PTPRN2: variants seen among roughly 807,000 people sequenced by gnomAD.
The protein encoded by PTPRN2 is protein tyrosine phosphatase receptor type N2, also known as receptor-type tyrosine-protein phosphatase N2.
Under a neutral mutation model 118.8 loss-of-function variants are expected in PTPRN2, and 74 were observed. That is an observed-to-expected ratio of 0.62 (90% CI 0.52 to 0.76). The LOEUF is 0.76. Among genes scored for constraint, PTPRN2 ranks in the 30% least tolerant of loss-of-function variants. PTPRN2 has a pLI of 0.00. For synonymous variants in PTPRN2, 641 were observed against 608.0 expected (o/e 1.05, Z -0.80); for missense variants, 1,481 against 1,394.4 (o/e 1.06, Z -0.99).
chr7:158,055,781 G>A lies in PTPRN2; in HGVS notation c.1723+25517C>T, dbSNP rs554095210. On this transcript the variant is annotated intron_variant, in intron 11 of 22. Transcript: ENST00000389418. ...ACTCCTTACCCTGCCCCTTTGTTTT[G>A]TATCCAATAAATATCAGCGCAGCCT... Among the ~76,000 whole-genome samples, 9 of 152,238 alleles carry A rather than the reference G, an allele frequency of 5.9e-5. 1 individual carries two copies. The East Asian group carries it at 7.7e-4, about 13-fold the overall frequency.
At chr7:157,854,013 G>A (rs560571237) in intron 12 of PTPRN2, among the ~76,000 whole-genome samples, 4 of 152,266 alleles carry the variant, frequency 2.6e-5, no homozygotes, top group East Asian at 1.9e-4. Flanking sequence ...CTTCTCCGAG[G>A]GCCTCAGAAG....
intron 1 of PTPRN2, among the ~76,000 whole-genome samples, chr7:158,558,230 C>A (rs1827172542): frequency 6.6e-6 from 1 of 152,210 alleles, no homozygotes. Flanking sequence ...AAGCAATCCT[C>A]CCACCTCAGC....
At chr7:157,822,261 C>G (rs1003130822) in intron 12 of PTPRN2, among the ~76,000 whole-genome samples, 8 of 151,802 alleles carry the variant, frequency 5.3e-5, no homozygotes, top group African/African-American at 1.9e-4. Context: ...CACCCACTAT[C>G]CATCATCCAT....
rs1796924468 is a variant in PTPRN2 at position 157,893,425 on chromosome 7, G to A, written c.1788+5248C>T. Among the ~76,000 whole-genome samples the A allele has an allele frequency of 6.6e-6, 1 of 152,240 alleles. No homozygotes were observed. The highest frequency in any genetic ancestry group is 2.4e-5 in the African/African-American group (1 of 41,468). Reference sequence around the variant, plus strand: ...TCCTTCCCACATATGAGATGGGTGGGCATCAGGAGTGGGCAGAGGCCAATT... The same window carrying A: ...TCCTTCCCACATATGAGATGGGTGGACATCAGGAGTGGGCAGAGGCCAATT... On this transcript the variant is annotated intron_variant, in intron 12 of 22. Transcript: ENST00000389418. This position sits in a 1 kb window ranked among gnomAD's most constrained non-coding sequence, Gnocchi z 4.0.
intron 1 of PTPRN2, among the ~76,000 whole-genome samples, chr7:158,520,271 G>A (rs979729894): frequency 2.6e-5 from 4 of 152,174 alleles, no homozygotes; most frequent in Non-Finnish European, 4.4e-5. Flanking sequence ...GTCTCACACC[G>A]TCCCTTCTAG....
chr7:158,540,838 G>C (rs1216307831), intron 1 of PTPRN2, among the ~76,000 whole-genome samples: 1 of 152,232 alleles, frequency 6.6e-6, no homozygotes, highest in Non-Finnish European at 1.5e-5. Context: ...ACTTCGGTTT[G>C]GCTTTCTCCA....
chr7:158,100,101 G>C (rs1348719057), intron 10 of PTPRN2, among the ~76,000 whole-genome samples: 3 of 151,828 alleles, frequency 2.0e-5, no homozygotes, highest in African/African-American at 7.3e-5. Context: ...TCATAGCTCA[G>C]CTCCCACTTA....
chr7:157,691,964 C>T (rs978973911), intron 12 of PTPRN2, among the ~76,000 whole-genome samples: 8 of 152,084 alleles, frequency 5.3e-5, no homozygotes. Flanking sequence ...GCGGAGCTGG[C>T]GAGAGCCGGA....
At chr7:158,193,948 T>A (rs1409411583) in intron 4 of PTPRN2, among the ~76,000 whole-genome samples, 1 of 146,878 alleles carries the variant, frequency 6.8e-6, no homozygotes, top group Non-Finnish European at 1.5e-5. Context: ...GAGGCCGGCA[T>A]GGGGGCTCGC....
intron 2 of PTPRN2, among the ~76,000 whole-genome samples, chr7:158,368,029 G>A (rs1809666773): frequency 6.6e-6 from 1 of 152,174 alleles, no homozygotes; most frequent in Admixed American, 6.6e-5. Context: ...AAATTGAGCT[G>A]AGGAAAGAAC....
intron 12 of PTPRN2, among the ~76,000 whole-genome samples, chr7:157,720,170 C>T (rs12667864): frequency 0.32 from 49,089 of 152,112 alleles, 8,008 homozygotes; most frequent in South Asian, 0.38. Context: ...GACCAGGCCC[C>T]GGGGCCAGTC....
chr7:158,003,525 C>T lies in PTPRN2; in HGVS notation c.1723+77773G>A, dbSNP rs943677111. 3.3e-5 allele frequency among the ~76,000 whole-genome samples: 5 copies of T among 152,124 alleles called. No individual in the cohort carries two copies. Among genetic ancestry groups the T allele is most frequent in the African/African-American group, 9.7e-5 (4 of 41,428 alleles). ...GCCTGCATCTACACAGAAGGACAGC[C>T]CCTGAGGACGTGGCCACGACGCAGC... On this transcript the variant is annotated intron_variant, in intron 11 of 22. Transcript: ENST00000389418. This position sits in a 1 kb window ranked among gnomAD's most constrained non-coding sequence, Gnocchi z 5.0.
chr7:158,260,198 C>T (rs1028731736), intron 3 of PTPRN2, among the ~76,000 whole-genome samples: 1 of 152,178 alleles, frequency 6.6e-6, no homozygotes, highest in African/African-American at 2.4e-5. Context: ...AGTCACCAGG[C>T]TGCCTAAAAC....
At chr7:158,325,479 G>A (rs1464838099) in intron 2 of PTPRN2, among the ~76,000 whole-genome samples, 1 of 152,068 alleles carries the variant, frequency 6.6e-6, no homozygotes, top group Non-Finnish European at 1.5e-5. Flanking sequence ...TTAGCTTAGG[G>A]CATTGTTTGA....
chr7:158,316,462 A>G (rs1802329266), intron 3 of PTPRN2, among the ~76,000 whole-genome samples: 1 of 152,186 alleles, frequency 6.6e-6, no homozygotes, highest in Non-Finnish European at 1.5e-5. Context: ...CACAACAGTG[A>G]CAGGCAGAGG....
At chr7:158,090,316 G>T (rs545685133) in intron 10 of PTPRN2, among the ~76,000 whole-genome samples, 1 of 152,200 alleles carries the variant, frequency 6.6e-6, no homozygotes, top group Non-Finnish European at 1.5e-5. Flanking sequence ...ATTTATTGCC[G>T]CTAGGAGTCA....
chr7:158,515,517 TCAA>T (rs1259271654), intron 1 of PTPRN2, among the ~76,000 whole-genome samples: 1 of 152,092 alleles, frequency 6.6e-6, no homozygotes, highest in African/African-American at 2.4e-5. Context: ...ATCCAGCATC[TCAA>T]CATCAGGAAG....
At chr7:157,786,046 C>T (rs1054095031) in intron 12 of PTPRN2, among the ~76,000 whole-genome samples, 6 of 152,164 alleles carry the variant, frequency 3.9e-5, no homozygotes, top group African/African-American at 7.2e-5. Context: ...GCCTCCTCTG[C>T]CCCCTGTGGG....
chr7:157,675,629 C>T (rs376422946), intron 13 of PTPRN2, among the ~76,000 whole-genome samples: 2 of 152,304 alleles, frequency 1.3e-5, no homozygotes, highest in Non-Finnish European at 2.9e-5. Context: ...AGGAAGTGTG[C>T]GGAAACGGGT....
Sources: gnomAD v4.1 joint callset for allele counts (sites outside exome capture counted in the v4.1 genomes callset) on GRCh38, gnomAD v4.1.1 for gene constraint, Gnocchi (gnomAD v3.1) non-coding constraint, MANE v1.5 for transcripts, NCBI Gene and HGNC (gene_info 2026-07-23, HGNC 2026-07-21) for gene names.